The following NRG3 variants were observed in gnomAD, a reference collection of about 807,000 sequenced individuals.
NRG3 encodes the protein pro-neuregulin-3, membrane-bound isoform.
A neutral mutation model predicts 66.9 loss-of-function variants in NRG3; 31 were observed. That is an observed-to-expected ratio of 0.46 (90% CI 0.35 to 0.63). NRG3 has a LOEUF of 0.63. Among genes scored for constraint, NRG3 ranks in the 20% least tolerant of loss-of-function variants. The pLI is 0.00. For synonymous variants in NRG3, 393 were observed against 359.4 expected, an observed-to-expected ratio of 1.09 and a Z score of -1.06; for missense variants, 910 against 878.9, an observed-to-expected ratio of 1.04 and a Z score of -0.45.
rs562648859 is a variant in NRG3 at position 81,995,218 on chromosome 10, G to T, written c.823+119055G>T. 5.9e-5 allele frequency among the ~76,000 whole-genome samples: 9 copies of T among 152,250 alleles called. No individual in the cohort carries two copies. In the East Asian group the frequency reaches 1.7e-3, roughly 29 times the overall value. ...TGTTTACGTTTCATATTTCATAGAA[G>T]CAATATGATTATATGATGAATGCCA... On this transcript the variant is annotated intron_variant, in intron 1 of 8. Transcript: ENST00000372141.
chr10:82,728,332 A>G (rs1449129521), intron 2 of NRG3, among the ~76,000 whole-genome samples: 4 of 152,094 alleles, frequency 2.6e-5, no homozygotes, highest in African/African-American at 9.7e-5. Flanking sequence ...CCCACATGTC[A>G]TGGGAGGGAG....
At chr10:82,294,200 T>A (rs2079913546) in intron 1 of NRG3, among the ~76,000 whole-genome samples, 1 of 152,168 alleles carries the variant, frequency 6.6e-6, no homozygotes, top group Admixed American at 6.6e-5. Flanking sequence ...GCTTTAAACA[T>A]TTCACTCCCC....
chr10:82,296,338 A>G (rs777351962), intron 1 of NRG3, among the ~76,000 whole-genome samples: 3 of 152,132 alleles, frequency 2.0e-5, no homozygotes, highest in Non-Finnish European at 4.4e-5. Flanking sequence ...TCTCTTTTGT[A>G]TCTGACAAAC....
At chr10:82,237,560 G>T (rs1256294079) in intron 1 of NRG3, among the ~76,000 whole-genome samples, 2 of 149,524 alleles carry the variant, frequency 1.3e-5, no homozygotes, top group Non-Finnish European at 3.0e-5. Flanking sequence ...TATATGCTCA[G>T]ACCCAGTGCA....
chr10:82,311,196 A>G (rs1025551399), intron 1 of NRG3, among the ~76,000 whole-genome samples: 12 of 152,348 alleles, frequency 7.9e-5, no homozygotes, highest in Non-Finnish European at 1.6e-4. Flanking sequence ...TGAGTTGCCT[A>G]GTAGTAAAGA....
At chr10:82,019,654 G>A (rs532546858) in intron 1 of NRG3, among the ~76,000 whole-genome samples, 53 of 152,182 alleles carry the variant, frequency 3.5e-4, no homozygotes, top group Non-Finnish European at 6.8e-4. Context: ...CTTCTTCCTG[G>A]TTTAGTCTTG....
chr10:82,021,417 A>C (rs2132753545), intron 1 of NRG3, among the ~76,000 whole-genome samples: 1 of 152,116 alleles, frequency 6.6e-6, no homozygotes, highest in East Asian at 1.9e-4. Context: ...CCTGGAAACA[A>C]GTTAATTTTT....
intron 2 of NRG3, among the ~76,000 whole-genome samples, chr10:82,707,018 A>AT (rs2056344007): frequency 2.1e-5 from 3 of 141,330 alleles, no homozygotes; most frequent in African/African-American, 8.0e-5. Context: ...AAATAAAATA[A>AT]ATATATATAT....
At chr10:82,528,391 G>A (rs1242805160) in intron 2 of NRG3, among the ~76,000 whole-genome samples, 1 of 152,128 alleles carries the variant, frequency 6.6e-6, no homozygotes, top group Non-Finnish European at 1.5e-5. Flanking sequence ...AAAGTGATTT[G>A]CAAATACATT....
intron 2 of NRG3, among the ~76,000 whole-genome samples, chr10:82,373,661 G>C (rs11194010): frequency 0.017 from 2,540 of 152,242 alleles, 69 homozygotes; most frequent in African/African-American, 0.057. Flanking sequence ...GGAAAGCATT[G>C]GCAGAAAAGA....
At chr10:82,258,399 G>A (rs565149649) in intron 1 of NRG3, among the ~76,000 whole-genome samples, 1 of 152,090 alleles carries the variant, frequency 6.6e-6, no homozygotes, top group East Asian at 1.9e-4. Flanking sequence ...CAGAGATATG[G>A]CATACAAATT....
At chr10:81,888,229 C>A (rs1163050403) in intron 1 of NRG3, among the ~76,000 whole-genome samples, 1 of 152,068 alleles carries the variant, frequency 6.6e-6, no homozygotes, top group Non-Finnish European at 1.5e-5. Context: ...CCCACATTCC[C>A]TTTTGACGTA....
At chr10:81,983,363 C>G (rs1488437780) in intron 1 of NRG3, among the ~76,000 whole-genome samples, 1 of 152,170 alleles carries the variant, frequency 6.6e-6, no homozygotes, top group African/African-American at 2.4e-5. Context: ...ACAGCACACC[C>G]CTCTTTATCT....
At chr10:82,710,796 G>T (rs900094259) in intron 2 of NRG3, among the ~76,000 whole-genome samples, 6 of 151,318 alleles carry the variant, frequency 4.0e-5, no homozygotes, top group African/African-American at 1.5e-4. Flanking sequence ...CTTTGCTTAT[G>T]ATTTTTTTAC....
At chr10:82,825,941 G>A (rs1485043633) in intron 3 of NRG3, among the ~76,000 whole-genome samples, 1 of 152,122 alleles carries the variant, frequency 6.6e-6, no homozygotes, top group Non-Finnish European at 1.5e-5. Context: ...AATTAAAGTA[G>A]TACATTTAGC....
intron 3 of NRG3, among the ~76,000 whole-genome samples, chr10:82,814,055 A>G (rs1480045997): frequency 6.6e-6 from 1 of 152,198 alleles, no homozygotes; most frequent in Non-Finnish European, 1.5e-5. Flanking sequence ...TTCATTGCTA[A>G]TCATTGTTCA....
intron 1 of NRG3, among the ~76,000 whole-genome samples, chr10:82,274,262 G>A (rs910563352): frequency 6.6e-6 from 1 of 151,978 alleles, no homozygotes; most frequent in Non-Finnish European, 1.5e-5. Flanking sequence ...GCAAAATATG[G>A]TGGCAGAGTG....
At chr10:82,119,145 T>G (rs1160038278) in intron 1 of NRG3, among the ~76,000 whole-genome samples, 1 of 152,188 alleles carries the variant, frequency 6.6e-6, no homozygotes, top group Non-Finnish European at 1.5e-5. Context: ...CACTTATTTT[T>G]TGTGGTGAGA....
At chr10:82,861,228 A>G (rs138018737) in intron 3 of NRG3, among the ~76,000 whole-genome samples, 14 of 152,228 alleles carry the variant, frequency 9.2e-5, no homozygotes, top group African/African-American at 3.1e-4. Context: ...ATGAGAGTTA[A>G]CTTTTTATTT....
Sources: gnomAD v4.1 joint callset for allele counts (sites outside exome capture counted in the v4.1 genomes callset) on GRCh38, gnomAD v4.1.1 for gene constraint, MANE v1.5 for transcripts, NCBI Gene and HGNC (gene_info 2026-07-23, HGNC 2026-07-21) for gene names.